Variants in PODXL observed in about 807,000 individuals in gnomAD.
PODXL encodes the protein podocalyxin.
PODXL carries 20 observed loss-of-function variants against 48.9 expected under a neutral mutation model. The observed-to-expected ratio is 0.41, with a 90% CI of 0.29 to 0.59. The LOEUF is 0.59. Among genes scored for constraint, PODXL ranks in the 20% least tolerant of loss-of-function variants. The probability of loss-of-function intolerance (pLI) is 0.31; values close to 1 mark genes in which losing one functional copy is unlikely to be tolerated. For missense variants in PODXL, 606 were observed against 675.1 expected (o/e 0.90, Z 1.13); for synonymous variants, 295 against 287.4 (o/e 1.03, Z -0.27).
In PODXL at chr7:131,506,617, C is replaced by G; in HGVS notation, c.1211G>C (p.Gly404Ala). The change falls in exon 6 of 9, where the codon GGA (glycine) becomes GCA (alanine). Residue 404 changes from glycine (G) to alanine (A), a missense_variant. Transcript: ENST00000378555. Reference sequence around the variant, plus strand: ...TTCTTTGACGACCACGGTCTGACTTCCTGGAACAGATGCCAGCCGTATGCC... The same window carrying G: ...TTCTTTGACGACCACGGTCTGACTTGCTGGAACAGATGCCAGCCGTATGCC... ...KCGIRLASVP[G>A]SQTVVVKEIT... is the part of the protein sequence containing the mutation. The G allele has an allele frequency of 6.2e-7, 1 of 1,614,206 alleles. No individual in the cohort carries two copies. Among genetic ancestry groups the G allele is most frequent in the South Asian group, 1.1e-5 (1 of 91,088 alleles).
At chr7:131,545,499 T>G (rs1798561075) in intron 1 of PODXL, among the ~76,000 whole-genome samples, 1 of 152,258 alleles carries the variant, frequency 6.6e-6, no homozygotes, top group African/African-American at 2.4e-5. Context: ...TTGGTCACTC[T>G]ATCTTCACAT....
At chr7:131,510,721 C>T in intron 2 of PODXL, 107 bp downstream of exon 2, 1 of 1,348,966 alleles carries the variant, frequency 7.4e-7, no homozygotes, top group Non-Finnish European at 1.0e-6. Flanking sequence ...ATCCACCTGT[C>T]TCGGCCTCCC....
chr7:131,515,791 G>T (rs979256438), intron 1 of PODXL, among the ~76,000 whole-genome samples: 15 of 152,276 alleles, frequency 9.9e-5, no homozygotes, highest in South Asian at 4.1e-4. Flanking sequence ...CACTTGCCAG[G>T]AAGCTCTACC....
intron 4 of PODXL, 136 bp downstream of exon 4, chr7:131,509,229 A>G: frequency 1.2e-6 from 1 of 822,270 alleles, no homozygotes; most frequent in Non-Finnish European, 2.0e-6. Flanking sequence ...AGGGAGAGGG[A>G]GGAGGGAATG....
At chr7:131,526,739 C>CTTTTTTTTT (rs57935236) in intron 1 of PODXL, among the ~76,000 whole-genome samples, 4,355 of 90,422 alleles carry the variant, frequency 0.048, 683 homozygotes, top group African/African-American at 0.16. Flanking sequence ...CTTCCTTACT[C>CTTTTTTTTT]TTTTTTTTTT....
At chr7:131,551,182 T>C (rs750749588) in intron 1 of PODXL, among the ~76,000 whole-genome samples, 1 of 152,010 alleles carries the variant, frequency 6.6e-6, no homozygotes, top group Non-Finnish European at 1.5e-5. Flanking sequence ...AGGGTAGGAG[T>C]CACCATCCCA....
Position 131,511,045 on chromosome 7 carries a change from G to T in PODXL, c.489C>A (p.Ser163Arg), listed in dbSNP as rs375402514. The T allele has an allele frequency of 2.5e-6, 4 of 1,614,020 alleles. No individual in the cohort carries two copies. The African/African-American group carries it at 5.3e-5, about 22-fold the overall frequency. ...EDTTNSGGKSSHSVTTDLTST... is the reference protein window; with the variant it reads ...EDTTNSGGKSRHSVTTDLTST... ...ATGTGAGGTCTGTGGTCACACTGTG[G>T]CTGCTTTTCCCCCCAGAGTTTGTTG... Residue 163 changes from serine to arginine, a missense_variant, in exon 2 of 9, where the codon AGC becomes AGA. Ser to Arg is a moderately radical substitution (Grantham distance 110). Coordinates refer to ENST00000378555, the MANE Select transcript of PODXL (RefSeq NM_001018111.3).
At chr7:131,529,590 A>C (rs1480404226) in intron 1 of PODXL, among the ~76,000 whole-genome samples, 1 of 150,282 alleles carries the variant, frequency 6.7e-6, no homozygotes. Flanking sequence ...CCTGCTTACC[A>C]CCCCCAACTC....
intron 1 of PODXL, among the ~76,000 whole-genome samples, chr7:131,531,997 C>T (rs1798286782): frequency 6.6e-6 from 1 of 152,016 alleles, no homozygotes; most frequent in Non-Finnish European, 1.5e-5. Flanking sequence ...GTAATCCCAG[C>T]TGCTCGGGAG....
At chr7:131,507,750 G>A (rs1414917206) in intron 5 of PODXL, among the ~76,000 whole-genome samples, 3 of 152,152 alleles carry the variant, frequency 2.0e-5, no homozygotes, top group Admixed American at 6.5e-5. Context: ...AGGGCTGGGC[G>A]GGCACCTGAC....
chr7:131,556,268 G>C lies in PODXL; in HGVS notation c.92C>G (p.Ser31Cys), dbSNP rs905850545. ...PSSPSPSPSP[S>C]QNATQTTTDS... ...CCAGGCCGGCCACTCACCATTCTGGGAGGGCGACGGCGACGGCGACGGCGA... is the reference window on the plus strand; with the variant it reads ...CCAGGCCGGCCACTCACCATTCTGGCAGGGCGACGGCGACGGCGACGGCGA... The change falls in exon 1 of 9, where the codon TCC (serine) becomes TGC (cysteine). Residue 31 changes from serine to cysteine, a missense_variant. By Grantham distance (112) the Ser-to-Cys change is moderately radical. Transcript: ENST00000378555. 8 of 1,449,880 alleles carry C rather than the reference G, an allele frequency of 5.5e-6. No individual in the cohort carries two copies. Among genetic ancestry groups the C allele is most frequent in the South Asian group, 1.3e-5 (1 of 75,754 alleles). 89.8% of individuals were successfully genotyped at this position (1,449,880 alleles called of 1,614,324 possible).
intron 1 of PODXL, among the ~76,000 whole-genome samples, chr7:131,524,370 A>ACGCG (rs796972068): frequency 1.7e-5 from 2 of 114,568 alleles, no homozygotes; most frequent in East Asian, 2.7e-4. Flanking sequence ...ACGCACACAC[A>ACGCG]CACACACACA....
chr7:131,506,262 C>T lies in PODXL; in HGVS notation c.1309G>A (p.Glu437Lys), dbSNP rs754319929. ...RLKDKWDELK[E>K]AGVSDMKLGD... is the part of the protein sequence containing the mutation. ...CCCACACTTGGGGGGCCGCTTACCT[C>T]CTTTAGTTCATCCCATTTGTCCTTC... Residue 437 changes from glutamate to lysine, a missense_variant and splice_region_variant, in exon 7 of 9, where the codon GAG becomes AAG. By Grantham distance (56) the Glu-to-Lys change is moderately conservative. Coordinates refer to ENST00000378555, the MANE Select transcript of PODXL (RefSeq NM_001018111.3). The T allele has an allele frequency of 6.2e-7, 1 of 1,614,184 alleles. No homozygotes were observed. The highest frequency in any genetic ancestry group is 2.2e-5 in the East Asian group (1 of 44,878).
intron 7 of PODXL, 25 bp downstream of exon 7, chr7:131,506,235 T>A (rs1485261252): frequency 1.2e-6 from 2 of 1,611,734 alleles, no homozygotes; most frequent in African/African-American, 2.7e-5. Context: ...AGCCACTCTG[T>A]CCCCACACTT....
intron 1 of PODXL, among the ~76,000 whole-genome samples, chr7:131,516,734 CTCT>C (rs1396547832): frequency 1.1e-4 from 7 of 64,620 alleles, no homozygotes; most frequent in Non-Finnish European, 1.3e-4. Context: ...GCTTTTTTTT[CTCT>C]TTTTTTTTTT....
At chr7:131,520,269 TCA>T (rs1798071019) in intron 1 of PODXL, 1 of 495,660 alleles carries the variant, frequency 2.0e-6, no homozygotes, top group Admixed American at 2.3e-5. Flanking sequence ...CCTCAGGCAC[TCA>T]CAGAGATCCA....
At chr7:131,525,216 T>C (rs1477257376) in intron 1 of PODXL, among the ~76,000 whole-genome samples, 4 of 152,074 alleles carry the variant, frequency 2.6e-5, no homozygotes, top group African/African-American at 9.7e-5. Flanking sequence ...AATGTCAATT[T>C]AGAAAAATAA....
chr7:131,552,266 G>A (rs917824037), intron 1 of PODXL, among the ~76,000 whole-genome samples: 10 of 152,206 alleles, frequency 6.6e-5, no homozygotes, highest in African/African-American at 2.4e-4. Context: ...GGGCCTCACC[G>A]CATGGTGGAG....
At position 131,509,561 on chromosome 7, in the gene PODXL, G is replaced by T; in HGVS notation, c.827C>A (p.Thr276Asn). 6.4e-7 allele frequency: 1 copy of T among 1,565,294 alleles called. No homozygotes were observed. The highest frequency in any genetic ancestry group is 8.7e-7 in the Non-Finnish European group (1 of 1,153,428). The change falls in exon 4 of 9, where the codon ACT (threonine) becomes AAT (asparagine). Residue 276 changes from threonine (T) to asparagine (N), a missense_variant. Thr to Asn is a moderately conservative substitution (Grantham distance 65). Transcript: ENST00000378555. ...ITASSVISQR[T>N]QQTSSQMPAS... ...TGGCATCTGACTGGAGGTCTGTTGA[G>T]TTCTTTGCGAGATAACCGATGACGC...
Sources: gnomAD v4.1 joint callset for allele counts (sites outside exome capture counted in the v4.1 genomes callset) on GRCh38, gnomAD v4.1.1 for gene constraint, MANE v1.5 for transcripts, NCBI Gene and HGNC (gene_info 2026-07-23, HGNC 2026-07-21) for gene names.